The following RORA variants were observed in gnomAD, a reference collection of about 807,000 sequenced individuals.
The protein encoded by RORA is nuclear receptor ROR-alpha.
In RORA, 7 loss-of-function variants were observed where a neutral mutation model predicts 69.5. The observed-to-expected ratio is 0.10, with a 90% confidence interval of 0.06 to 0.19. The LOEUF (loss-of-function observed/expected upper bound fraction) is 0.19, where lower values mean the gene tolerates loss of function less well. Ranked by LOEUF, RORA falls within the 10% of genes least tolerant of loss-of-function variation. RORA has a pLI of 1.00. For synonymous variants in RORA, 261 were observed against 240.8 expected, an observed-to-expected ratio of 1.08 and a Z score of -0.78; for missense variants, 457 against 663.0, an observed-to-expected ratio of 0.69 and a Z score of 3.41.
chr15:60,614,426 G>A (rs766617692), intron 2 of RORA, among the ~76,000 whole-genome samples: 1 of 152,156 alleles, frequency 6.6e-6, no homozygotes, highest in Non-Finnish European at 1.5e-5. Flanking sequence ...TGCAACCTCT[G>A]GAAGGTTCTA....
rs577077820 is a variant in RORA, at chr15:61,031,035, A to G, written c.166+198018T>C. ...TCATTATTCAAGTACTTCAAGACCA[A>G]AACAGTTGACATCAGTAACTGTTTA... is the stretch of plus-strand genomic sequence containing the variant. On this transcript the variant is annotated intron_variant, in intron 1 of 10. Coordinates refer to ENST00000335670, the MANE Select transcript of RORA (RefSeq NM_134261.3). Among the ~76,000 whole-genome samples the G allele has an allele frequency of 2.7e-4, 41 of 152,302 alleles. 2 individuals carry two copies. The South Asian group carries it at 7.7e-3, about 28-fold the overall frequency.
intron 1 of RORA, among the ~76,000 whole-genome samples, chr15:60,860,500 C>G (rs1007871321): frequency 6.6e-6 from 1 of 152,140 alleles, no homozygotes; most frequent in African/African-American, 2.4e-5. Flanking sequence ...CTATGCTGTC[C>G]CTTTACGATG....
chr15:60,730,056 A>G (rs775901023), intron 1 of RORA, among the ~76,000 whole-genome samples: 7 of 152,226 alleles, frequency 4.6e-5, no homozygotes, highest in Non-Finnish European at 8.8e-5. Flanking sequence ...AACCATGAAC[A>G]AGAGTAAACA....
chr15:61,065,299 T>G lies in RORA; in HGVS notation c.166+163754A>C, dbSNP rs954463842. On this transcript the variant is annotated intron_variant, in intron 1 of 10. Transcript: ENST00000335670. ...AGGTGGGGGCCATATCTGTATCATC[T>G]TTACATCTGCAGCTCCCCTCTGTTT... Among the ~76,000 whole-genome samples, 13 of 152,352 alleles carry G rather than the reference T, an allele frequency of 8.5e-5. 1 individual carries two copies. The highest frequency in any genetic ancestry group is 7.8e-4 in the Admixed American group (12 of 15,288).
At chr15:60,583,376 C>T (rs1057046612) in intron 2 of RORA, among the ~76,000 whole-genome samples, 4 of 152,230 alleles carry the variant, frequency 2.6e-5, no homozygotes, top group Non-Finnish European at 5.9e-5. Flanking sequence ...CTGAATAAAG[C>T]AACCTTGAAA....
At chr15:60,627,817 A>G (rs2140644326) in intron 2 of RORA, among the ~76,000 whole-genome samples, 1 of 152,294 alleles carries the variant, frequency 6.6e-6, no homozygotes, top group South Asian at 2.1e-4. Context: ...ATTTGAGATA[A>G]TCATGCCTTC....
At chr15:60,626,873 C>T (rs1434002885) in intron 2 of RORA, among the ~76,000 whole-genome samples, 1 of 152,222 alleles carries the variant, frequency 6.6e-6, no homozygotes, top group Non-Finnish European at 1.5e-5. Flanking sequence ...TTACTTATAA[C>T]AGCACCTTCT....
chr15:61,080,806 C>T (rs1208944752), intron 1 of RORA, among the ~76,000 whole-genome samples: 4 of 152,282 alleles, frequency 2.6e-5, no homozygotes, highest in South Asian at 2.1e-4. Flanking sequence ...CATAAATAAA[C>T]GAGGAAAGAA....
chr15:61,172,418 G>A (rs535339493), intron 1 of RORA, among the ~76,000 whole-genome samples: 5 of 152,246 alleles, frequency 3.3e-5, no homozygotes, highest in Non-Finnish European at 5.9e-5. Flanking sequence ...ATCTAAAATC[G>A]GTTGGCTTAA....
At chr15:60,920,436 T>TATC (rs1437036380) in intron 1 of RORA, among the ~76,000 whole-genome samples, 1 of 152,186 alleles carries the variant, frequency 6.6e-6, no homozygotes, top group African/African-American at 2.4e-5. Flanking sequence ...TTTCCTATCA[T>TATC]ATCACCCACA....
chr15:60,505,691 T>C lies in RORA; in HGVS notation c.821-62A>G, dbSNP rs1211495752. ...GAAGTTCTTTGAATAATTGGTGATT[T>C]AATATTTGCTTTAAGAAATAACAAG... On this transcript the variant is annotated intron_variant, in intron 5 of 10. Coordinates refer to ENST00000335670, the MANE Select transcript of RORA (RefSeq NM_134261.3). The C allele has an allele frequency of 2.5e-6, 4 of 1,576,252 alleles. No homozygotes were observed. The East Asian group carries it at 9.0e-5, about 36-fold the overall frequency.
At chr15:61,203,642 A>G (rs975672613) in intron 1 of RORA, among the ~76,000 whole-genome samples, 3 of 152,244 alleles carry the variant, frequency 2.0e-5, no homozygotes, top group African/African-American at 7.2e-5. Context: ...GATTAAGAAA[A>G]GACAAAAGTG....
chr15:60,623,937 G>A (rs1446379214), intron 2 of RORA, among the ~76,000 whole-genome samples: 1 of 150,988 alleles, frequency 6.6e-6, no homozygotes, highest in East Asian at 2.0e-4. Flanking sequence ...AATATGAGAT[G>A]ATAGTTGCCA....
chr15:60,671,067 GATATATATAT>G (rs10577286), intron 2 of RORA, among the ~76,000 whole-genome samples: 52,298 of 122,242 alleles, frequency 0.43, 11,337 homozygotes, highest in Non-Finnish European at 0.45. Flanking sequence ...ATATCCCATT[GATATATATAT>G]ATATATATAT....
intron 1 of RORA, among the ~76,000 whole-genome samples, chr15:60,823,303 C>T (rs140850403): frequency 2.0e-5 from 3 of 152,204 alleles, no homozygotes; most frequent in African/African-American, 7.2e-5. Context: ...AATCCTCCTA[C>T]CTCAGCCACC....
At chr15:61,078,329 C>CTGTG (rs56676588) in intron 1 of RORA, among the ~76,000 whole-genome samples, 19,583 of 132,980 alleles carry the variant, frequency 0.15, 1,652 homozygotes, top group East Asian at 0.31. Flanking sequence ...ACACCTGGCT[C>CTGTG]TGTGTGTGTG....
intron 1 of RORA, among the ~76,000 whole-genome samples, chr15:60,969,764 T>C (rs1465371508): frequency 1.3e-5 from 2 of 152,146 alleles, no homozygotes; most frequent in Admixed American, 6.5e-5. Context: ...GGGGTTTGAG[T>C]TCCTGCTCCA....
intron 1 of RORA, among the ~76,000 whole-genome samples, chr15:61,059,982 GGAAGAGGAA>G (rs1355125001): frequency 8.6e-3 from 662 of 77,286 alleles, no homozygotes; most frequent in East Asian, 0.024. Flanking sequence ...AAGAGGAAGA[GGAAGAGGAA>G]GAAGAAGAAG....
At chr15:61,225,761 A>T (rs914322650) in intron 1 of RORA, among the ~76,000 whole-genome samples, 1 of 152,208 alleles carries the variant, frequency 6.6e-6, no homozygotes, top group Non-Finnish European at 1.5e-5. Flanking sequence ...AGGGTTTTTA[A>T]CAACAGTTAT....
Sources: allele counts gnomAD v4.1 joint callset (sites outside exome capture counted in the v4.1 genomes callset), GRCh38; gene constraint gnomAD v4.1.1; transcripts MANE v1.5; gene names NCBI Gene and HGNC (gene_info 2026-07-23, HGNC 2026-07-21).